The following FAT3 variants were observed in gnomAD, a reference collection of about 807,000 sequenced individuals.
FAT3 encodes FAT atypical cadherin 3, also known as protocadherin Fat 3.
Under a neutral mutation model 310.2 loss-of-function variants are expected in FAT3, and 95 were observed. The observed-to-expected ratio is 0.31, with a 90% CI of 0.26 to 0.36. The LOEUF is 0.36. Among genes scored for constraint, FAT3 ranks in the 10% least tolerant of loss-of-function variants. The pLI is 1.00. For synonymous variants in FAT3, 2,314 were observed against 2,192.9 expected (o/e 1.06, Z -1.54); for missense variants, 5,408 against 5,715.6 (o/e 0.95, Z 1.74).
At chr11:92,711,649 A>G (rs1158606391) in intron 4 of FAT3, among the ~76,000 whole-genome samples, 3 of 152,216 alleles carry the variant, frequency 2.0e-5, no homozygotes, top group Admixed American at 2.0e-4. Context: ...GCATTTACCT[A>G]CTGAAGGAAA....
intron 1 of FAT3, among the ~76,000 whole-genome samples, chr11:92,325,117 G>A (rs1396417680): frequency 1.3e-5 from 2 of 152,232 alleles, no homozygotes; most frequent in Non-Finnish European, 1.5e-5. Context: ...TGGAGCAGGT[G>A]AGACTCATAC....
At chr11:92,370,813 A>C (rs191824107) in intron 2 of FAT3, among the ~76,000 whole-genome samples, 5 of 152,328 alleles carry the variant, frequency 3.3e-5, no homozygotes, top group Admixed American at 3.3e-4. Context: ...TGCTAACTCA[A>C]AATTCTGTAT....
chr11:92,625,340 T>C lies in FAT3; in HGVS notation c.3608-72044T>C, dbSNP rs1941280684. Among the ~76,000 whole-genome samples, 3 of 152,216 alleles carry C rather than the reference T, an allele frequency of 2.0e-5. No individual in the cohort carries two copies. In the South Asian group the frequency reaches 6.2e-4, roughly 32 times the overall value. The stretch of plus-strand genomic sequence containing the variant: ...GACAGTGCCTGGAGGAGTGGGGCTC[T>C]GAAGAAACCATGGGCTGTCCATCTT... On this transcript the variant is annotated intron_variant, in intron 3 of 27. Coordinates refer to ENST00000525166, the MANE Select transcript of FAT3 (RefSeq NM_001367949.2).
At chr11:92,363,471 A>G (rs1044971080) in intron 2 of FAT3, among the ~76,000 whole-genome samples, 1 of 152,154 alleles carries the variant, frequency 6.6e-6, no homozygotes. Flanking sequence ...CAGAAATCAT[A>G]TTTTATCTTA....
At chr11:92,420,414 G>A (rs1950511856) in intron 2 of FAT3, among the ~76,000 whole-genome samples, 1 of 152,188 alleles carries the variant, frequency 6.6e-6, no homozygotes, top group Non-Finnish European at 1.5e-5. Context: ...AAGTTTGCAT[G>A]TGGATAGCTA....
chr11:92,323,033 T>A (rs953837256), intron 1 of FAT3, among the ~76,000 whole-genome samples: 2 of 152,174 alleles, frequency 1.3e-5, no homozygotes, highest in Non-Finnish European at 2.9e-5. Flanking sequence ...TCATTATATA[T>A]GGCAACTATA....
At chr11:92,656,821 G>A (rs1942597538) in intron 3 of FAT3, among the ~76,000 whole-genome samples, 1 of 152,176 alleles carries the variant, frequency 6.6e-6, no homozygotes. Flanking sequence ...AACTAAAGCA[G>A]ATTGATGCAG....
intron 24 of FAT3, among the ~76,000 whole-genome samples, chr11:92,884,084 AC>A: frequency 6.6e-6 from 1 of 150,642 alleles, no homozygotes; most frequent in South Asian, 2.1e-4. Context: ...TTGCCTCTTC[AC>A]TTGGCCTCAC....
intron 2 of FAT3, among the ~76,000 whole-genome samples, chr11:92,513,281 G>T (rs903677158): frequency 1.3e-5 from 2 of 152,140 alleles, no homozygotes; most frequent in Non-Finnish European, 2.9e-5. Flanking sequence ...GGCCTATGAG[G>T]ATAAAATGCC....
intron 1 of FAT3, among the ~76,000 whole-genome samples, chr11:92,277,534 A>G (rs1056327258): frequency 1.3e-5 from 2 of 152,208 alleles, no homozygotes; most frequent in African/African-American, 4.8e-5. Context: ...TATAAAAAAG[A>G]ATGAAATCAT....
chr11:92,283,153 A>G (rs529677567), intron 1 of FAT3, among the ~76,000 whole-genome samples: 1 of 152,222 alleles, frequency 6.6e-6, no homozygotes, highest in East Asian at 1.9e-4. Context: ...TAATCCTTGG[A>G]AAAATCTTCC....
chr11:92,795,390 G>A (rs991113007), intron 9 of FAT3, among the ~76,000 whole-genome samples: 2 of 151,916 alleles, frequency 1.3e-5, no homozygotes, highest in Non-Finnish European at 2.9e-5. Flanking sequence ...TTATTCAATT[G>A]CCAAAAATCT....
chr11:92,236,639 A>G (rs1398672165), intron 1 of FAT3, among the ~76,000 whole-genome samples: 2 of 152,174 alleles, frequency 1.3e-5, no homozygotes, highest in Admixed American at 1.3e-4. Context: ...AATGCTCTTA[A>G]TTTCTTATTA....
At chr11:92,492,008 G>A (rs978553032) in intron 2 of FAT3, among the ~76,000 whole-genome samples, 1 of 152,026 alleles carries the variant, frequency 6.6e-6, no homozygotes, top group African/African-American at 2.4e-5. Flanking sequence ...GTTTGATGGG[G>A]CAGCATGCAG....
intron 3 of FAT3, among the ~76,000 whole-genome samples, chr11:92,659,421 G>A (rs1031635687): frequency 3.9e-5 from 6 of 152,114 alleles, no homozygotes; most frequent in Admixed American, 3.9e-4. Context: ...AAAGCTGATG[G>A]GAAAATTACT....
chr11:92,824,410 A>C (rs1327298031), intron 13 of FAT3, among the ~76,000 whole-genome samples: 1 of 152,178 alleles, frequency 6.6e-6, no homozygotes, highest in Admixed American at 6.5e-5. Flanking sequence ...TCTTTAAATA[A>C]CTTTATAATG....
At chr11:92,430,095 A>G (rs1950732134) in intron 2 of FAT3, among the ~76,000 whole-genome samples, 2 of 152,036 alleles carry the variant, frequency 1.3e-5, no homozygotes, top group Admixed American at 1.3e-4. Context: ...TTTATTCTCT[A>G]ATCTTGTCTT....
intron 2 of FAT3, among the ~76,000 whole-genome samples, chr11:92,491,515 G>C (rs1952596013): frequency 6.6e-6 from 1 of 152,004 alleles, no homozygotes; most frequent in African/African-American, 2.4e-5. Flanking sequence ...TCTCCAAGCA[G>C]ACAATGGAAG....
rs186684593 is a variant in FAT3 at position 92,667,267 on chromosome 11, C to A, written c.3608-30117C>A. On this transcript the variant is annotated intron_variant, in intron 3 of 27. Transcript: ENST00000525166. Reference sequence around the variant, plus strand: ...TTTATAAGCTAGTGAGACGTGGCAGCATCCGTTTTGTTCAAAAGATGTGTC... The same window carrying A: ...TTTATAAGCTAGTGAGACGTGGCAGAATCCGTTTTGTTCAAAAGATGTGTC... Among the ~76,000 whole-genome samples the A allele has an allele frequency of 3.1e-3, 471 of 152,302 alleles. 4 individuals carry two copies. The highest frequency in any genetic ancestry group is 0.011 in the African/African-American group (438 of 41,554).
Sources: allele counts gnomAD v4.1 joint callset (sites outside exome capture counted in the v4.1 genomes callset), GRCh38; gene constraint gnomAD v4.1.1; transcripts MANE v1.5; gene names NCBI Gene and HGNC (gene_info 2026-07-23, HGNC 2026-07-21).